The following DRC8 variants were observed in gnomAD, a reference collection of about 807,000 sequenced individuals.
DRC8 encodes the protein dynein regulatory complex protein 8.
the DRC8 span, chr1:244,970,586 C>G: frequency 8.5e-6 from 9 of 1,056,590 alleles, no homozygotes; most frequent in Middle Eastern, 3.1e-4. Context: ...GGGGGCCACC[C>G]GGCAGCAGCA....
the DRC8 span, among the ~76,000 whole-genome samples, chr1:245,081,769 G>A: frequency 2.0e-5 from 3 of 152,142 alleles, no homozygotes; most frequent in Admixed American, 6.6e-5. Flanking sequence ...ACGCCCGGCC[G>A]AGTGTTCTTT....
chr1:245,063,705 C>T, the DRC8 span, among the ~76,000 whole-genome samples: 3 of 152,142 alleles, frequency 2.0e-5, no homozygotes, highest in Admixed American at 1.3e-4. Context: ...GCTCTGCAGC[C>T]TGGGTAACAG....
chr1:245,093,419 C>T, the DRC8 span, among the ~76,000 whole-genome samples: 2 of 151,910 alleles, frequency 1.3e-5, no homozygotes, highest in Non-Finnish European at 2.9e-5. Context: ...AAAAATCAGG[C>T]CAAGCACAGT....
chr1:245,101,297 C>T, the DRC8 span, among the ~76,000 whole-genome samples: 1 of 152,222 alleles, frequency 6.6e-6, no homozygotes, highest in Non-Finnish European at 1.5e-5. Context: ...TGTAGAATTT[C>T]CCACATCCTG....
At chr1:245,083,333 C>T in the DRC8 span, 1 of 966,642 alleles carries the variant, frequency 1.0e-6, no homozygotes, top group Non-Finnish European at 1.6e-6. Context: ...GAAGAATTGT[C>T]TTCCATGAAA....
chr1:245,103,876 AAAG>A, the DRC8 span, among the ~76,000 whole-genome samples: 1 of 152,190 alleles, frequency 6.6e-6, no homozygotes, highest in Non-Finnish European at 1.5e-5. Flanking sequence ...GGTGATGACA[AAAG>A]AAGGCCCATT....
At chr1:244,976,989 G>T in the DRC8 span, among the ~76,000 whole-genome samples, 1 of 152,218 alleles carries the variant, frequency 6.6e-6, no homozygotes, top group African/African-American at 2.4e-5. Flanking sequence ...ACATGCTACC[G>T]CTTGAATGAA....
At chr1:245,051,745 G>A in the DRC8 span, among the ~76,000 whole-genome samples, 3 of 152,186 alleles carry the variant, frequency 2.0e-5, no homozygotes, top group Non-Finnish European at 4.4e-5. Context: ...ATATTTTAAG[G>A]CAAAAGAGGA....
the DRC8 span, among the ~76,000 whole-genome samples, chr1:245,089,582 C>T: frequency 1.3e-5 from 2 of 151,966 alleles, no homozygotes; most frequent in African/African-American, 4.8e-5. The surrounding 1 kb of genome is among the most constrained non-coding windows in gnomAD (Gnocchi z 4.8). Flanking sequence ...ACGGAAAAAA[C>T]GTCCATTGGT....
chr1:245,104,374 C>G, the DRC8 span, among the ~76,000 whole-genome samples: 1 of 151,978 alleles, frequency 6.6e-6, no homozygotes, highest in African/African-American at 2.4e-5. Flanking sequence ...TGTGGTGGCG[C>G]ATGCCTGTAA....
the DRC8 span, among the ~76,000 whole-genome samples, chr1:245,025,624 C>T: frequency 6.6e-6 from 1 of 152,180 alleles, no homozygotes; most frequent in Non-Finnish European, 1.5e-5. Context: ...TGTTCCTATG[C>T]TTCAATGCCT....
the DRC8 span, among the ~76,000 whole-genome samples, chr1:245,103,853 A>C: frequency 2.0e-5 from 3 of 152,180 alleles, no homozygotes; most frequent in African/African-American, 7.2e-5. Context: ...CTATGGCTGG[A>C]AACTGGTGAG....
At chr1:244,983,166 A>T in the DRC8 span, among the ~76,000 whole-genome samples, 1 of 152,186 alleles carries the variant, frequency 6.6e-6, no homozygotes, top group Non-Finnish European at 1.5e-5. Flanking sequence ...TGCATTTCTA[A>T]CAAGTTACCA....
At chr1:245,068,165 G>A in the DRC8 span, among the ~76,000 whole-genome samples, 1 of 152,162 alleles carries the variant, frequency 6.6e-6, no homozygotes, top group Admixed American at 6.5e-5. Context: ...GTGACCCAGG[G>A]AAATCTTCAA....
At chr1:244,974,806 C>T in the DRC8 span, among the ~76,000 whole-genome samples, 4 of 152,220 alleles carry the variant, frequency 2.6e-5, no homozygotes, top group African/African-American at 7.2e-5. Context: ...GCGATTCCCC[C>T]GACCTCAGCC....
chr1:245,119,439 C>T, the DRC8 span, among the ~76,000 whole-genome samples: 5 of 150,620 alleles, frequency 3.3e-5, no homozygotes, highest in South Asian at 6.3e-4. Context: ...TTTGGGAGGC[C>T]GAGGCAGGAG....
At chr1:245,007,930 C>T in the DRC8 span, among the ~76,000 whole-genome samples, 13 of 152,202 alleles carry the variant, frequency 8.5e-5, no homozygotes, top group African/African-American at 3.1e-4. Context: ...TTTGAGAGGC[C>T]AACGTGGGAG....
chr1:245,040,758 A>G, the DRC8 span, among the ~76,000 whole-genome samples: 51,011 of 152,084 alleles, frequency 0.34, 8,824 homozygotes, highest in African/African-American at 0.41. Context: ...CCTGGCCAAC[A>G]TAGTGAGGCC....
At chr1:245,057,552 A>C in the DRC8 span, among the ~76,000 whole-genome samples, 1 of 152,190 alleles carries the variant, frequency 6.6e-6, no homozygotes, top group Non-Finnish European at 1.5e-5. Flanking sequence ...TTTCAAATGC[A>C]TAATAGCCAG....
Sources: allele counts gnomAD v4.1 joint callset (sites outside exome capture counted in the v4.1 genomes callset), GRCh38; gene constraint gnomAD v4.1.1; non-coding constraint Gnocchi (gnomAD v3.1); transcripts MANE v1.5; gene names NCBI Gene and HGNC (gene_info 2026-07-23, HGNC 2026-07-21).